Variants in CMTM6 observed in about 807,000 individuals in gnomAD.
The protein encoded by CMTM6 is CKLF-like MARVEL transmembrane domain-containing protein 6.
CMTM6 carries 5 observed loss-of-function variants against 13.6 expected under a neutral mutation model. The ratio of observed to expected loss-of-function variants is 0.37; its 90% CI spans 0.19 to 0.77. The LOEUF (loss-of-function observed/expected upper bound fraction) is 0.77. Among genes scored for constraint, CMTM6 ranks in the 30% least tolerant of loss-of-function variants. CMTM6 has a pLI of 0.50. For synonymous variants in CMTM6, 99 were observed against 84.5 expected (o/e 1.17, Z -0.94); for missense variants, 196 against 218.6 (o/e 0.90, Z 0.65).
intron 1 of CMTM6, among the ~76,000 whole-genome samples, chr3:32,497,460 G>T (rs971438704): frequency 6.7e-6 from 1 of 149,442 alleles, no homozygotes; most frequent in African/African-American, 2.5e-5. Context: ...TACTCATACC[G>T]TGACACCTGG....
At chr3:32,484,135 T>C in intron 3 of CMTM6, 38 bp from the exon 4 acceptor site, 1 of 1,457,806 alleles carries the variant, frequency 6.9e-7, no homozygotes, top group Non-Finnish European at 9.1e-7. Context: ...ATGAGAATTT[T>C]GGAATATAAT....
intron 3 of CMTM6, among the ~76,000 whole-genome samples, chr3:32,485,540 TA>T (rs1697196079): frequency 6.6e-6 from 1 of 152,176 alleles, no homozygotes; most frequent in African/African-American, 2.4e-5. Flanking sequence ...AAAAATGAGT[TA>T]AAAAACTCAT....
In CMTM6 at chr3:32,487,930, G is replaced by A; in HGVS notation, c.414+8C>T. On this transcript the variant is annotated splice_region_variant and intron_variant, in intron 3 of 3. Coordinates refer to ENST00000205636, the MANE Select transcript of CMTM6 (RefSeq NM_017801.3). The stretch of plus-strand genomic sequence containing the variant: ...AAATAAGCAATGTTAAAAATACAAG[G>A]TACTTACAATTGCAGCAATCTCAGC... 2 of 1,590,746 alleles carry A rather than the reference G, an allele frequency of 1.3e-6. No individual in the cohort carries two copies. Among genetic ancestry groups the A allele is most frequent in the Non-Finnish European group, 1.7e-6 (2 of 1,160,108 alleles).
At chr3:32,486,022 C>T (rs946647017) in intron 3 of CMTM6, among the ~76,000 whole-genome samples, 4 of 152,098 alleles carry the variant, frequency 2.6e-5, no homozygotes, top group African/African-American at 7.2e-5. Flanking sequence ...GGACTACAGG[C>T]GCCTGCCACC....
At chr3:32,497,481 G>T (rs1697305044) in intron 1 of CMTM6, among the ~76,000 whole-genome samples, 1 of 151,168 alleles carries the variant, frequency 6.6e-6, no homozygotes, top group Non-Finnish European at 1.5e-5. Context: ...TAGTGTGAGG[G>T]GTGGGAAAGT....
chr3:32,481,983 T>G lies in CMTM6; in HGVS notation c.*1977A>C, dbSNP rs1697157997. 1 of 152,238 alleles carries G rather than the reference T, an allele frequency of 6.6e-6. No individual in the cohort carries two copies. Among genetic ancestry groups the G allele is most frequent in the African/African-American group, 2.4e-5 (1 of 41,454 alleles). The allele number at this position is 152,238 out of a possible 1,614,324, so 9.4% of individuals were successfully genotyped here. A position where few individuals can be genotyped will look rare whatever the true frequency, so the allele number is the denominator to read the frequency against. On this transcript the variant is annotated 3_prime_UTR_variant, in exon 4 of 4. Transcript: ENST00000205636. ...AAGCCCAATACATGGGTGGTGACCC[T>G]GAGGTAGCCCAGATGATATGCTCTG...
Position 32,481,412 on chromosome 3 carries a change from A to ATGAT in CMTM6, c.*2544_*2547dup, listed in dbSNP as rs748489373. On this transcript the variant is annotated 3_prime_UTR_variant, in exon 4 of 4. Coordinates refer to ENST00000205636, the MANE Select transcript of CMTM6 (RefSeq NM_017801.3). ...TAAGATTTAAATTGACAAATATAAAATGATTGGCTACAATGTAAAAATACA... is the reference window on the plus strand; with the variant it reads ...TAAGATTTAAATTGACAAATATAAAATGATTGATTGGCTACAATGTAAAAATACA... 2.0e-5 allele frequency: 3 copies of ATGAT among 152,146 alleles called. No individual in the cohort carries two copies. The highest frequency in any genetic ancestry group is 2.9e-5 in the Non-Finnish European group (2 of 68,012). 9.4% of individuals were successfully genotyped at this position (152,146 alleles called of 1,614,324 possible).
chr3:32,489,141 G>A (rs974656023), intron 2 of CMTM6, among the ~76,000 whole-genome samples: 29 of 151,596 alleles, frequency 1.9e-4, no homozygotes, highest in South Asian at 1.5e-3. Context: ...GTGGTGGTGG[G>A]TGCCTGTAGT....
intron 1 of CMTM6, among the ~76,000 whole-genome samples, chr3:32,499,268 G>A (rs1048350380): frequency 6.6e-6 from 1 of 152,162 alleles, no homozygotes; most frequent in East Asian, 1.9e-4. Context: ...ATAATGAAAA[G>A]AGCATCAATA....
At chr3:32,486,310 T>C (rs1697204313) in intron 3 of CMTM6, among the ~76,000 whole-genome samples, 1 of 152,230 alleles carries the variant, frequency 6.6e-6, no homozygotes, top group Non-Finnish European at 1.5e-5. Context: ...TGATCCTTAA[T>C]TTACAATTCC....
chr3:32,502,604 T>C lies in CMTM6; in HGVS notation c.138+4A>G. ...GGGCTCGCCCTCCCTGACCGCGGAC[T>C]CACCAGCTGCAAGCCCTTGAGAACG... On this transcript the variant is annotated splice_donor_region_variant and intron_variant, in intron 1 of 3. Coordinates refer to ENST00000205636, the MANE Select transcript of CMTM6 (RefSeq NM_017801.3). 1 of 1,594,660 alleles carries C rather than the reference T, an allele frequency of 6.3e-7. No individual in the cohort carries two copies. The highest frequency in any genetic ancestry group is 2.3e-5 in the East Asian group (1 of 44,198).
At chr3:32,487,859 A>G in intron 3 of CMTM6, 79 bp downstream of exon 3, 1 of 965,530 alleles carries the variant, frequency 1.0e-6, no homozygotes, top group Non-Finnish European at 1.6e-6. Flanking sequence ...AACATGCTGT[A>G]TAACTTGTCA....
chr3:32,488,691 G>A (rs966531929), intron 2 of CMTM6, among the ~76,000 whole-genome samples: 4 of 152,180 alleles, frequency 2.6e-5, no homozygotes, highest in Non-Finnish European at 5.9e-5. Context: ...GCCTTCAACT[G>A]TTCCAAGTGG....
intron 3 of CMTM6, among the ~76,000 whole-genome samples, chr3:32,486,421 T>C (rs1697206039): frequency 6.6e-6 from 1 of 151,474 alleles, no homozygotes; most frequent in Non-Finnish European, 1.5e-5. Flanking sequence ...TACTTAGTCT[T>C]TTCTTATCCC....
chr3:32,496,887 G>T (rs926069085), intron 1 of CMTM6, among the ~76,000 whole-genome samples: 1 of 152,144 alleles, frequency 6.6e-6, no homozygotes, highest in Non-Finnish European at 1.5e-5. Flanking sequence ...TTTAGGAGTT[G>T]GGTGTGGTTG....
chr3:32,485,533 AAT>A (rs1697195983), intron 3 of CMTM6, among the ~76,000 whole-genome samples: 1 of 152,186 alleles, frequency 6.6e-6, no homozygotes, highest in Non-Finnish European at 1.5e-5. Context: ...TAAAATTAAA[AAT>A]GAGTTAAAAA....
chr3:32,495,870 T>G (rs772564833), intron 1 of CMTM6, among the ~76,000 whole-genome samples: 3 of 152,148 alleles, frequency 2.0e-5, no homozygotes, highest in Non-Finnish European at 4.4e-5. Context: ...CTGGACATCT[T>G]AAGAGAATCA....
intron 1 of CMTM6, among the ~76,000 whole-genome samples, chr3:32,500,170 G>C (rs912482378): frequency 6.6e-6 from 1 of 152,134 alleles, no homozygotes; most frequent in Non-Finnish European, 1.5e-5. Flanking sequence ...TTCTGATTAC[G>C]GGTTTCTCCA....
rs533387693 is a variant in CMTM6 at position 32,481,503 on chromosome 3, C to A, written c.*2457G>T. ...AAATTTTTGTACTGTGAGTTCATTT[C>A]TCTTATAATTCTTGAGAACCATTCT... On this transcript the variant is annotated 3_prime_UTR_variant, in exon 4 of 4. Coordinates refer to ENST00000205636, the MANE Select transcript of CMTM6 (RefSeq NM_017801.3). 1 of 152,120 alleles carries A rather than the reference C, an allele frequency of 6.6e-6. No individual in the cohort carries two copies. The highest frequency in any genetic ancestry group is 1.5e-5 in the Non-Finnish European group (1 of 68,010). The allele number at this position is 152,120 out of a possible 1,614,324, so 9.4% of individuals were successfully genotyped here.
Sources: allele counts gnomAD v4.1 joint callset (sites outside exome capture counted in the v4.1 genomes callset), GRCh38; gene constraint gnomAD v4.1.1; transcripts MANE v1.5; gene names NCBI Gene and HGNC (gene_info 2026-07-23, HGNC 2026-07-21).